The following CRX variants were observed in gnomAD, a reference collection of about 807,000 sequenced individuals.
CRX encodes the protein cone-rod homeobox protein.
Under a neutral mutation model 13.1 loss-of-function variants are expected in CRX, and 5 were observed. The observed-to-expected ratio is 0.38, with a 90% confidence interval of 0.20 to 0.80. CRX has a LOEUF of 0.80. Among genes scored for constraint, CRX ranks in the 30% least tolerant of loss-of-function variants. CRX has a pLI of 0.43. For synonymous variants in CRX, 179 were observed against 171.1 expected, an observed-to-expected ratio of 1.05 and a Z score of -0.36; for missense variants, 351 against 391.8, an observed-to-expected ratio of 0.90 and a Z score of 0.88.
intron 1 of CRX, among the ~76,000 whole-genome samples, chr19:47,823,254 G>A (rs1255505747): frequency 2.6e-5 from 4 of 152,178 alleles, no homozygotes; most frequent in Non-Finnish European, 5.9e-5. Context: ...ATGAATGAAT[G>A]AATGAAGGGC....
In CRX at chr19:47,834,441, A is replaced by T; in HGVS notation, c.-3A>T. On this transcript the variant is annotated 5_prime_UTR_variant, in exon 2 of 4. Coordinates refer to ENST00000221996, the MANE Select transcript of CRX (RefSeq NM_000554.6). ...GACTTGGGCCTCAGTGTCCCCGAAG[A>T]TCATGATGGCGTATATGAACCCGGG... 1 of 1,613,460 alleles carries T rather than the reference A, an allele frequency of 6.2e-7. No homozygotes were observed.
Position 47,841,883 on chromosome 19 carries a change from A to C in CRX, c.*1916A>C, listed in dbSNP as rs1403342543. The C allele has an allele frequency of 6.6e-6, 1 of 152,008 alleles. No homozygotes were observed. The highest frequency in any genetic ancestry group is 2.4e-5 in the African/African-American group (1 of 41,378). 9.4% of individuals were successfully genotyped at this position (152,008 alleles called of 1,614,324 possible). A position where few individuals can be genotyped will look rare whatever the true frequency, so the allele number is the denominator to read the frequency against. ...AAAAAAAAAAGTAGGGCAGGAAGAC[A>C]GTGGTGTGCTGGCAGAGGTCTAACA... On this transcript the variant is annotated 3_prime_UTR_variant, in exon 4 of 4. Transcript: ENST00000221996.
At chr19:47,838,030 T>G (rs891506862) in intron 3 of CRX, among the ~76,000 whole-genome samples, 7 of 152,234 alleles carry the variant, frequency 4.6e-5, no homozygotes, top group African/African-American at 1.7e-4. Flanking sequence ...GAAGGATAAA[T>G]GAAATATGTA....
At chr19:47,830,669 G>A (rs917500873) in intron 1 of CRX, among the ~76,000 whole-genome samples, 16 of 152,092 alleles carry the variant, frequency 1.1e-4, no homozygotes, top group Admixed American at 5.9e-4. Context: ...GGTGGCTCAT[G>A]CCTGTAATCC....
rs536151156 is a variant in CRX, at chr19:47,823,324, A to G, written c.-36+1314A>G. ...AGAGGAGGTGTGATGCGGTTTTCCC[A>G]AAAGGAACGAGCGAGGGCTGTGATT... On this transcript the variant is annotated intron_variant, in intron 1 of 3. Coordinates refer to ENST00000221996, the MANE Select transcript of CRX (RefSeq NM_000554.6). Among the ~76,000 whole-genome samples the G allele has an allele frequency of 2.6e-5, 4 of 152,342 alleles. No homozygotes were observed. In the East Asian group the frequency reaches 7.7e-4, roughly 29 times the overall value.
At position 47,839,398 on chromosome 19, in the gene CRX, C is replaced by A; in HGVS notation, c.331C>A (p.Gln111Lys). The A allele has an allele frequency of 1.9e-6, 3 of 1,613,764 alleles. No individual in the cohort carries two copies. The highest frequency in any genetic ancestry group is 2.5e-6 in the Non-Finnish European group (3 of 1,179,848). ...QKQQQQPPGG[Q>K]AKARPAKRKA... ...ACAGCAGCAGCAGCCCCCAGGGGGC[C>A]AGGCCAAGGCCCGGCCTGCCAAGAG... Residue 111 changes from glutamine (Q) to lysine (K), a missense_variant, in exon 4 of 4, where the codon CAG becomes AAG. Physicochemically the swap from Gln to Lys is moderately conservative, Grantham distance 53 (BLOSUM62 1). Coordinates refer to ENST00000221996, the MANE Select transcript of CRX (RefSeq NM_000554.6). This position sits in a 1 kb window ranked among gnomAD's most constrained non-coding sequence, Gnocchi z 4.6.
At chr19:47,836,962 A>G (rs532906976) in intron 3 of CRX, among the ~76,000 whole-genome samples, 1 of 152,206 alleles carries the variant, frequency 6.6e-6, no homozygotes, top group East Asian at 1.9e-4. Context: ...GTGCGTGTGC[A>G]TGTATGACTG....
At chr19:47,838,170 A>G (rs11666619) in intron 3 of CRX, among the ~76,000 whole-genome samples, 26,863 of 151,986 alleles carry the variant, frequency 0.18, 2,644 homozygotes, top group Non-Finnish European at 0.22. Flanking sequence ...ATGAATATGT[A>G]TATGATGTAT....
Position 47,839,554 on chromosome 19 carries a change from T to G in CRX, c.487T>G (p.Trp163Gly), listed in dbSNP as rs779912365. The G allele has an allele frequency of 1.2e-6, 2 of 1,612,838 alleles. No individual in the cohort carries two copies. The highest frequency in any genetic ancestry group is 1.7e-6 in the Non-Finnish European group (2 of 1,179,272). Residue 163 changes from tryptophan to glycine, a missense_variant, in exon 4 of 4, where the codon TGG becomes GGG. Around this residue, in one of 3 missense-constraint regions of CRX, gnomAD observed 253 missense variants for 268.3 expected, o/e 0.94. Coordinates refer to ENST00000221996, the MANE Select transcript of CRX (RefSeq NM_000554.6). The surrounding 1 kb of genome is among the most constrained non-coding windows in gnomAD (Gnocchi z 4.6). ...CACGGCAGTGGCCACTGTGTCCATC[T>G]GGAGCCCAGCCTCAGAGTCCCCTTT... ...PTTAVATVSI[W>G]SPASESPLPE...
At chr19:47,824,826 C>T (rs1967955628) in intron 1 of CRX, among the ~76,000 whole-genome samples, 1 of 152,044 alleles carries the variant, frequency 6.6e-6, no homozygotes, top group Non-Finnish European at 1.5e-5. Context: ...CACTGATATT[C>T]TTTGTTCCAC....
intron 1 of CRX, among the ~76,000 whole-genome samples, chr19:47,826,786 T>C (rs200274715): frequency 6.6e-6 from 1 of 152,244 alleles, no homozygotes; most frequent in Non-Finnish European, 1.5e-5. Context: ...TGATCTCTTA[T>C]AGTTTCCAAG....
chr19:47,838,086 A>G (rs1293998545), intron 3 of CRX, among the ~76,000 whole-genome samples: 2 of 152,180 alleles, frequency 1.3e-5, no homozygotes, highest in African/African-American at 2.4e-5. Context: ...ATTAGTGTGT[A>G]GCTATGTATG....
intron 1 of CRX, among the ~76,000 whole-genome samples, chr19:47,827,704 G>C (rs1241140390): frequency 1.3e-5 from 2 of 149,212 alleles, no homozygotes; most frequent in East Asian, 2.0e-4. Flanking sequence ...TTGTATTTTA[G>C]TAGAGATGGG....
rs58548004 is a variant in CRX, at chr19:47,823,649, G to GTTTTT, written c.-36+1653_-36+1657dup. ...GCTGGCATGAAGCCACATGAGTCTG[G>GTTTTT]TTTTTTTTTTTTTTTTTTGAGACGG... is the stretch of plus-strand genomic sequence containing the variant. On this transcript the variant is annotated intron_variant, in intron 1 of 3. Coordinates refer to ENST00000221996, the MANE Select transcript of CRX (RefSeq NM_000554.6). Among the ~76,000 whole-genome samples the GTTTTT allele has an allele frequency of 1.2e-3, 152 of 129,556 alleles. 3 individuals are homozygous for GTTTTT. The highest frequency in any genetic ancestry group is 4.4e-3 in the African/African-American group (144 of 33,094). The allele number at this position is 129,556 out of a possible 152,430, so 85.0% of individuals were successfully genotyped here.
intron 3 of CRX, among the ~76,000 whole-genome samples, chr19:47,838,836 T>A (rs901246007): frequency 6.8e-6 from 1 of 146,370 alleles, no homozygotes; most frequent in African/African-American, 2.5e-5. Flanking sequence ...TATGTGTGCA[T>A]GTTTGTATTA....
chr19:47,838,138 G>A (rs965369171), intron 3 of CRX, among the ~76,000 whole-genome samples: 6 of 152,114 alleles, frequency 3.9e-5, no homozygotes, highest in African/African-American at 1.4e-4. Flanking sequence ...TTGTATGTTT[G>A]TATGTCTGTA....
In CRX at chr19:47,841,571, A is replaced by ATTTTTTTTT. The variant is rs59559801; in HGVS notation, c.*1615_*1623dup. On this transcript the variant is annotated 3_prime_UTR_variant, in exon 4 of 4. Transcript: ENST00000221996. Reference sequence around the variant, plus strand: ...TTCAAACATACATTCCCTTTTTTAGATTTTTTTTTTTTTTTTTTTGGTTTT... The same window carrying ATTTTTTTTT: ...TTCAAACATACATTCCCTTTTTTAGATTTTTTTTTTTTTTTTTTTTTTTTTTTTGGTTTT... 7.9e-6 allele frequency: 1 copy of ATTTTTTTTT among 126,988 alleles called. No individual in the cohort carries two copies. The highest frequency in any genetic ancestry group is 1.7e-5 in the Non-Finnish European group (1 of 58,856). The allele number at this position is 126,988 out of a possible 1,614,324, so 7.9% of individuals were successfully genotyped here.
intron 3 of CRX, among the ~76,000 whole-genome samples, chr19:47,838,177 G>T (rs2123741591): frequency 6.6e-6 from 1 of 152,172 alleles, no homozygotes; most frequent in Middle Eastern, 3.4e-3. Context: ...TGTATATGAT[G>T]TATGTATGAT....
intron 3 of CRX, among the ~76,000 whole-genome samples, chr19:47,837,088 T>C (rs1968126573): frequency 6.6e-6 from 1 of 152,188 alleles, no homozygotes; most frequent in African/African-American, 2.4e-5. Context: ...AGATAGATGA[T>C]GAATGTATGC....
Sources: gnomAD v4.1 joint callset for allele counts (sites outside exome capture counted in the v4.1 genomes callset) on GRCh38, gnomAD v4.1.1 for gene constraint, gnomAD v4.1.1 regional missense constraint, Gnocchi (gnomAD v3.1) non-coding constraint, MANE v1.5 for transcripts, NCBI Gene and HGNC (gene_info 2026-07-23, HGNC 2026-07-21) for gene names.